Variants in XXYLT1 observed in about 807,000 individuals in gnomAD.
XXYLT1 encodes the protein UDP-xylose:alpha-xyloside alpha-1,3-xylosyltransferase.
In XXYLT1, 20 loss-of-function variants were observed where a neutral mutation model predicts 28.9. The observed-to-expected ratio is 0.69, with a 90% CI of 0.49 to 1.00. The LOEUF (loss-of-function observed/expected upper bound fraction) is 1.00, where lower values mean the gene tolerates loss of function less well. Ranked by LOEUF, XXYLT1 falls within the 50% of genes least tolerant of loss-of-function variation. The pLI, the probability that XXYLT1 is intolerant of heterozygous loss-of-function variation, is 0.00. For synonymous variants in XXYLT1, 257 were observed against 253.8 expected (o/e 1.01, Z -0.12); for missense variants, 542 against 560.1 (o/e 0.97, Z 0.33).
intron 2 of XXYLT1, among the ~76,000 whole-genome samples, chr3:195,170,905 G>A (rs1032811900): frequency 6.6e-6 from 1 of 152,134 alleles, no homozygotes; most frequent in East Asian, 1.9e-4. Context: ...ATCCAGCCAT[G>A]AAAGAGCAGC....
rs562089148 is a variant in XXYLT1 at position 195,192,100 on chromosome 3, A to G, written c.652+34609T>C. Among the ~76,000 whole-genome samples the G allele has an allele frequency of 2.6e-5, 4 of 152,330 alleles. No individual in the cohort carries two copies. The South Asian group carries it at 6.2e-4, about 24-fold the overall frequency. On this transcript the variant is annotated intron_variant, in intron 2 of 3. Transcript: ENST00000310380. ...ATCCATTCCCTGAGACAGACTACAT[A>G]CTAGGCCACAAAACAAGTCTCAATA...
Position 195,270,459 on chromosome 3 carries a change from C to A in XXYLT1, c.504+96G>T, listed in dbSNP as rs1725982921. On this transcript the variant is annotated intron_variant, in intron 1 of 3. Coordinates refer to ENST00000310380, the MANE Select transcript of XXYLT1 (RefSeq NM_152531.5). ...GCGGGCAGCTCAGGGAAGATCCTACCCGCTAGTTCCCCGGATCCCCTCCGG... is the reference window on the plus strand; with the variant it reads ...GCGGGCAGCTCAGGGAAGATCCTACACGCTAGTTCCCCGGATCCCCTCCGG... 3 of 1,340,918 alleles carry A rather than the reference C, an allele frequency of 2.2e-6. No homozygotes were observed. In the East Asian group the frequency reaches 9.2e-5, roughly 41 times the overall value. The allele number at this position is 1,340,918 out of a possible 1,614,324, so 83.1% of individuals were successfully genotyped here. A position where few individuals can be genotyped will look rare whatever the true frequency, so the allele number is the denominator to read the frequency against.
intron 2 of XXYLT1, among the ~76,000 whole-genome samples, chr3:195,213,962 T>C (rs1365012492): frequency 1.3e-5 from 2 of 152,230 alleles, no homozygotes; most frequent in African/African-American, 4.8e-5. Context: ...TTTTGGTTTC[T>C]GAAAGCAAAA....
intron 2 of XXYLT1, among the ~76,000 whole-genome samples, chr3:195,193,317 A>C (rs954427083): frequency 1.3e-5 from 2 of 152,070 alleles, no homozygotes; most frequent in African/African-American, 4.8e-5. Flanking sequence ...TCCTAAAATA[A>C]TAAAATACTT....
At chr3:195,169,961 G>C (rs992589254) in intron 2 of XXYLT1, among the ~76,000 whole-genome samples, 2 of 150,954 alleles carry the variant, frequency 1.3e-5, no homozygotes, top group African/African-American at 4.9e-5. Context: ...TGCCTCCCAG[G>C]TTCAAGCGAT....
At chr3:195,190,493 C>CAAA (rs57722997) in intron 2 of XXYLT1, among the ~76,000 whole-genome samples, 7 of 34,976 alleles carry the variant, frequency 2.0e-4, no homozygotes, top group Admixed American at 3.3e-4. Context: ...GACTCTGTCT[C>CAAA]AAAAAAAAAA....
chr3:195,271,139 C>G lies in XXYLT1; in HGVS notation c.-81G>C. 7.9e-7 allele frequency: 1 copy of G among 1,260,152 alleles called. No individual in the cohort carries two copies. Among genetic ancestry groups the G allele is most frequent in the South Asian group, 2.9e-5 (1 of 34,982 alleles). The allele number at this position is 1,260,152 out of a possible 1,614,324, so 78.1% of individuals were successfully genotyped here. The stretch of plus-strand genomic sequence containing the variant: ...CCCGGACGCCGGCGGCCACTTAGCC[C>G]CGGCGCCAGGCGGCGGCCATGAAAG... On this transcript the variant is annotated 5_prime_UTR_variant, in exon 1 of 4. Transcript: ENST00000310380.
chr3:195,210,074 G>A lies in XXYLT1; in HGVS notation c.652+16635C>T, dbSNP rs1723245175. Among the ~76,000 whole-genome samples the A allele has an allele frequency of 6.9e-6, 1 of 145,726 alleles. No homozygotes were observed. Among genetic ancestry groups the A allele is most frequent in the South Asian group, 2.1e-4 (1 of 4,822 alleles). ...AGCAGCAGCTGCAGTCCAGGCTGAG[G>A]CCCCGGCCGCCCGCACACCCTGGCC... On this transcript the variant is annotated intron_variant, in intron 2 of 3. Transcript: ENST00000310380. The surrounding 1 kb of genome is among the most constrained non-coding windows in gnomAD (Gnocchi z 4.8).
intron 1 of XXYLT1, among the ~76,000 whole-genome samples, chr3:195,236,769 C>T (rs535714036): frequency 6.6e-6 from 1 of 152,244 alleles, no homozygotes; most frequent in African/African-American, 2.4e-5. Context: ...CTGGTTACCA[C>T]TGCTGATTAT....
rs755813552 is a variant in XXYLT1, at chr3:195,271,004, C to A, written c.55G>T (p.Ala19Ser). Reference protein sequence around the residue: ...PCARAMARLGAVRSHYCALLL... With the variant: ...PCARAMARLGSVRSHYCALLL... ...AGGGCGCAGTAGTGGGAGCGCACAG[C>A]GCCCAGGCGCGCCATGGCCCGAGCG... The change falls in exon 1 of 4, where the codon GCT (alanine) becomes TCT (serine). Residue 19 changes from alanine (A) to serine (S), a missense_variant. Coordinates refer to ENST00000310380, the MANE Select transcript of XXYLT1 (RefSeq NM_152531.5). 13 of 1,475,670 alleles carry A rather than the reference C, an allele frequency of 8.8e-6. No individual in the cohort carries two copies. Among genetic ancestry groups the A allele is most frequent in the East Asian group, 3.0e-5 (1 of 33,254 alleles). 91.4% of individuals were successfully genotyped at this position (1,475,670 alleles called of 1,614,324 possible). A position where few individuals can be genotyped will look rare whatever the true frequency, so the allele number is the denominator to read the frequency against.
At chr3:195,196,525 A>G (rs1420134244) in intron 2 of XXYLT1, among the ~76,000 whole-genome samples, 1 of 152,250 alleles carries the variant, frequency 6.6e-6, no homozygotes, top group Non-Finnish European at 1.5e-5. Flanking sequence ...CCTTTCAGCA[A>G]CAGATCTCAG....
chr3:195,242,746 T>G (rs1724832987), intron 1 of XXYLT1, among the ~76,000 whole-genome samples: 2 of 152,128 alleles, frequency 1.3e-5, no homozygotes, highest in Non-Finnish European at 2.9e-5. Flanking sequence ...ACCTTAGCCC[T>G]TTTAATATGC....
At chr3:195,184,397 T>C (rs897787473) in intron 2 of XXYLT1, among the ~76,000 whole-genome samples, 1 of 152,224 alleles carries the variant, frequency 6.6e-6, no homozygotes, top group East Asian at 1.9e-4. Context: ...CAAACACCTT[T>C]AGATCATAAC....
chr3:195,080,116 A>G (rs1231298164), intron 3 of XXYLT1, among the ~76,000 whole-genome samples: 2 of 152,156 alleles, frequency 1.3e-5, no homozygotes, highest in African/African-American at 4.8e-5. Flanking sequence ...CGGGAGGAGA[A>G]CGTGCCTCGG....
Position 195,150,574 on chromosome 3 carries a change from T to C in XXYLT1, c.785+5875A>G, listed in dbSNP as rs75591599. On this transcript the variant is annotated intron_variant, in intron 3 of 3. Transcript: ENST00000310380. This position sits in a 1 kb window ranked among gnomAD's most constrained non-coding sequence, Gnocchi z 4.7. The stretch of plus-strand genomic sequence containing the variant: ...AAAAGCGAATTCCCGCCTGGTGGCA[T>C]GTTATCAGCAGCTGACAGGAATAGC... Among the ~76,000 whole-genome samples the C allele has an allele frequency of 0.043, 6,569 of 152,238 alleles. 487 individuals carry two copies. Among genetic ancestry groups the C allele is most frequent in the African/African-American group, 0.15 (6,195 of 41,520 alleles).
Position 195,178,806 on chromosome 3 carries a change from T to TC in XXYLT1, c.653-22226dup, listed in dbSNP as rs1228506732. Among the ~76,000 whole-genome samples, 4 of 152,308 alleles carry TC rather than the reference T, an allele frequency of 2.6e-5. No individual in the cohort carries two copies. The South Asian group carries it at 6.2e-4, about 24-fold the overall frequency. ...AGCACATGGGGAAGCCGGGACTGTT[T>TC]CCCCTGATGGAAGGCTCTCTCTGAA... On this transcript the variant is annotated intron_variant, in intron 2 of 3. Transcript: ENST00000310380.
intron 3 of XXYLT1, among the ~76,000 whole-genome samples, chr3:195,143,831 G>A (rs56947085): frequency 4.6e-5 from 3 of 65,700 alleles, no homozygotes; most frequent in African/African-American, 1.8e-4. Flanking sequence ...GATATATATA[G>A]ATATAGATAT....
At chr3:195,163,927 G>C (rs73893248) in intron 2 of XXYLT1, among the ~76,000 whole-genome samples, 3,128 of 152,358 alleles carry the variant, frequency 0.021, 115 homozygotes, top group African/African-American at 0.07. Flanking sequence ...TTTGCTTCCT[G>C]CAATGAGGCA....
In XXYLT1 at chr3:195,176,795, G is replaced by A. The variant is rs1375333487; in HGVS notation, c.653-20214C>T. Among the ~76,000 whole-genome samples, 2 of 152,216 alleles carry A rather than the reference G, an allele frequency of 1.3e-5. No individual in the cohort carries two copies. Among genetic ancestry groups the A allele is most frequent in the South Asian group, 4.1e-4 (2 of 4,832 alleles). On this transcript the variant is annotated intron_variant, in intron 2 of 3. Transcript: ENST00000310380. The surrounding 1 kb of genome is among the most constrained non-coding windows in gnomAD (Gnocchi z 4.9). ...AAAAGCTCAGTAAGAAGACGCAAAA[G>A]TCACAGTTCCCATGGTAACCCTCCT...
Sources: allele counts gnomAD v4.1 joint callset (sites outside exome capture counted in the v4.1 genomes callset), GRCh38; gene constraint gnomAD v4.1.1; non-coding constraint Gnocchi (gnomAD v3.1); transcripts MANE v1.5; gene names NCBI Gene and HGNC (gene_info 2026-07-23, HGNC 2026-07-21).